Variants in LRRC49 observed in about 807,000 individuals in gnomAD.
The protein encoded by LRRC49 is leucine rich repeat containing 49, also known as leucine-rich repeat-containing protein 49.
LRRC49 carries 50 observed loss-of-function variants against 83.3 expected under a neutral mutation model. That is an observed-to-expected ratio of 0.60 (90% CI 0.48 to 0.76). The LOEUF (loss-of-function observed/expected upper bound fraction) is 0.76. Among genes scored for constraint, LRRC49 ranks in the 30% least tolerant of loss-of-function variants. The pLI, the probability that LRRC49 is intolerant of heterozygous loss-of-function variation, is 0.00. For missense variants in LRRC49, 704 were observed against 809.1 expected, an observed-to-expected ratio of 0.87 and a Z score of 1.58; for synonymous variants, 286 against 283.3, an observed-to-expected ratio of 1.01 and a Z score of -0.10.
chr15:70,897,177 A>G (rs1013348228), intron 3 of LRRC49, among the ~76,000 whole-genome samples: 2 of 152,216 alleles, frequency 1.3e-5, no homozygotes, highest in African/African-American at 2.4e-5. Flanking sequence ...GTAGGCAGTT[A>G]GTAAACAGAT....
rs2039990704 is a variant in LRRC49 at position 71,051,214 on chromosome 15, A to G, written c.*1602A>G. On this transcript the variant is annotated 3_prime_UTR_variant, in exon 16 of 16. Coordinates refer to ENST00000260382, the MANE Select transcript of LRRC49 (RefSeq NM_017691.5). ...AACCTCAGTTTCCTCCTGATAGCAC[A>G]CACTTCGTAAGATAGTCATGAGAAT... The G allele has an allele frequency of 6.6e-6, 1 of 152,210 alleles. No homozygotes were observed. The highest frequency in any genetic ancestry group is 1.5e-5 in the Non-Finnish European group (1 of 68,062). The allele number at this position is 152,210 out of a possible 1,614,324, so 9.4% of individuals were successfully genotyped here. A position where few individuals can be genotyped will look rare whatever the true frequency, so the allele number is the denominator to read the frequency against.
chr15:71,039,988 CA>C (rs1320715351), intron 15 of LRRC49, among the ~76,000 whole-genome samples: 7 of 152,158 alleles, frequency 4.6e-5, no homozygotes, highest in Admixed American at 4.6e-4. Flanking sequence ...CCAAACCATA[CA>C]TTTAAAAATA....
chr15:71,028,416 T>C (rs899526983), intron 14 of LRRC49, among the ~76,000 whole-genome samples: 1 of 152,198 alleles, frequency 6.6e-6, no homozygotes, highest in Non-Finnish European at 1.5e-5. Flanking sequence ...CTTTTTTTGT[T>C]GTGTCTCTGC....
At chr15:70,876,616 A>G (rs187995720) in intron 2 of LRRC49, among the ~76,000 whole-genome samples, 9 of 152,312 alleles carry the variant, frequency 5.9e-5, no homozygotes, top group African/African-American at 9.6e-5. Flanking sequence ...TAGTACTGCC[A>G]GTTCTTGTTA....
chr15:70,915,026 ATC>A (rs2034707493), intron 6 of LRRC49, among the ~76,000 whole-genome samples: 1 of 152,208 alleles, frequency 6.6e-6, no homozygotes, highest in Non-Finnish European at 1.5e-5. Context: ...CAACATTCCC[ATC>A]ATCTTTTTTC....
chr15:71,050,039 TG>T lies in LRRC49; in HGVS notation c.*428del, dbSNP rs2039972446. On this transcript the variant is annotated 3_prime_UTR_variant, in exon 16 of 16. Transcript: ENST00000260382. ...CAAAGCCAAAAATATGTTCTTTTTATGAGTGAAGAATAAACTTACTAACAAA... is the reference window on the plus strand; with the variant it reads ...CAAAGCCAAAAATATGTTCTTTTTATAGTGAAGAATAAACTTACTAACAAA... 1 of 156,628 alleles carries T rather than the reference TG, an allele frequency of 6.4e-6. No individual in the cohort carries two copies. Among genetic ancestry groups the T allele is most frequent in the Non-Finnish European group, 1.4e-5 (1 of 71,108 alleles). 9.7% of individuals were successfully genotyped at this position (156,628 alleles called of 1,614,324 possible). A position where few individuals can be genotyped will look rare whatever the true frequency, so the allele number is the denominator to read the frequency against.
chr15:71,022,771 A>G (rs1271205080), intron 14 of LRRC49, among the ~76,000 whole-genome samples: 1 of 152,230 alleles, frequency 6.6e-6, no homozygotes, highest in African/African-American at 2.4e-5. Context: ...TAATTAATAG[A>G]AAAAGGATAT....
chr15:70,981,443 A>G (rs2037394458), intron 10 of LRRC49, among the ~76,000 whole-genome samples: 1 of 151,890 alleles, frequency 6.6e-6, no homozygotes, highest in Admixed American at 6.6e-5. Context: ...ATGTATACCT[A>G]TGTAACAAAC....
At chr15:70,855,128 T>C (rs2032621493) in intron 1 of LRRC49, among the ~76,000 whole-genome samples, 1 of 151,780 alleles carries the variant, frequency 6.6e-6, no homozygotes, top group Non-Finnish European at 1.5e-5. Flanking sequence ...GGTCAAGAGA[T>C]CGAGACCATC....
intron 1 of LRRC49, among the ~76,000 whole-genome samples, chr15:70,866,108 T>C (rs1299649823): frequency 4.7e-5 from 7 of 149,356 alleles, no homozygotes; most frequent in Admixed American, 4.1e-4. Context: ...TTCTGGTACA[T>C]GTAAAGTATT....
chr15:71,008,569 A>G lies in LRRC49; in HGVS notation c.1360A>G (p.Ile454Val), dbSNP rs1177232001. ...VSFTFIEFDE[I>V]VQVLPKLKIK... ...CTTCACTTTCATAGAATTTGATGAA[A>G]TCGTCCAAGTGCTTCCTAAACTGAA... Residue 454 changes from isoleucine (I) to valine (V), a missense_variant, in exon 12 of 16, where the codon ATC becomes GTC. Transcript: ENST00000260382. 1 of 1,612,746 alleles carries G rather than the reference A, an allele frequency of 6.2e-7. No homozygotes were observed. The highest frequency in any genetic ancestry group is 1.1e-5 in the South Asian group (1 of 91,014).
chr15:70,891,990 G>C (rs1373288758), upstream of LRRC49: 1 of 1,613,204 alleles, frequency 6.2e-7, no homozygotes, highest in Non-Finnish European at 8.5e-7. Context: ...TTAGGTGCCG[G>C]GGCGGGCACC....
chr15:70,919,371 G>A (rs996575592), intron 7 of LRRC49, among the ~76,000 whole-genome samples, 178 bp downstream of exon 7: 1 of 152,132 alleles, frequency 6.6e-6, no homozygotes, highest in Non-Finnish European at 1.5e-5. Flanking sequence ...AGGTATTGAG[G>A]TATTTTCCAT....
intron 14 of LRRC49, among the ~76,000 whole-genome samples, chr15:71,029,477 T>G (rs953912296): frequency 1.3e-5 from 2 of 152,194 alleles, no homozygotes; most frequent in Non-Finnish European, 2.9e-5. Context: ...TATGTGGTGC[T>G]GAGAAGAATG....
chr15:71,004,304 T>C (rs1159655167), intron 11 of LRRC49, among the ~76,000 whole-genome samples: 1 of 152,102 alleles, frequency 6.6e-6, no homozygotes, highest in East Asian at 1.9e-4. Context: ...TTCTCTAGTA[T>C]AAAGACACAT....
In LRRC49 at chr15:71,009,081, G is replaced by A. The variant is rs575416625; in HGVS notation, c.1407+465G>A. The stretch of plus-strand genomic sequence containing the variant: ...ATGGTGTCATTGTATTATTTAGTAT[G>A]CATTTGTAGAAACTGTGATTTCTGT... On this transcript the variant is annotated intron_variant, in intron 12 of 15. Coordinates refer to ENST00000260382, the MANE Select transcript of LRRC49 (RefSeq NM_017691.5). Among the ~76,000 whole-genome samples the A allele has an allele frequency of 1.1e-3, 173 of 151,880 alleles. 1 individual carries two copies. The highest frequency in any genetic ancestry group is 3.9e-3 in the African/African-American group (162 of 41,496).
intron 7 of LRRC49, among the ~76,000 whole-genome samples, 175 bp downstream of exon 7, chr15:70,919,368 GA>G (rs1203030176): frequency 1.3e-5 from 2 of 152,188 alleles, no homozygotes; most frequent in Admixed American, 1.3e-4. Context: ...GGGAGGTATT[GA>G]GGTATTTTCC....
chr15:70,961,622 T>C (rs2036604290), intron 8 of LRRC49, among the ~76,000 whole-genome samples: 1 of 152,132 alleles, frequency 6.6e-6, no homozygotes, highest in African/African-American at 2.4e-5. Flanking sequence ...CAAATGCATA[T>C]TGCTAAGTGA....
At position 70,895,888 on chromosome 15, in the gene LRRC49, G is replaced by A. The variant is rs778263578; in HGVS notation, c.145G>A (p.Gly49Ser). Reference sequence around the variant, plus strand: ...AAATAAAGACACATCGTCATTCCCCGGTAGACTTTTACAACATGACCTTGA... The same window carrying A: ...AAATAAAGACACATCGTCATTCCCCAGTAGACTTTTACAACATGACCTTGA... ...KLNKDTSSFP[G>S]RLLQHDLERN... Residue 49 changes from glycine to serine, a missense_variant, in exon 3 of 16, where the codon GGT becomes AGT. Transcript: ENST00000260382. 47 of 1,611,050 alleles carry A rather than the reference G, an allele frequency of 2.9e-5. No homozygotes were observed. Among genetic ancestry groups the A allele is most frequent in the South Asian group, 6.6e-5 (6 of 90,652 alleles).
Sources: gnomAD v4.1 joint callset for allele counts (sites outside exome capture counted in the v4.1 genomes callset) on GRCh38, gnomAD v4.1.1 for gene constraint, MANE v1.5 for transcripts, NCBI Gene and HGNC (gene_info 2026-07-23, HGNC 2026-07-21) for gene names.